C1GALT1: variants seen among roughly 807,000 people sequenced by gnomAD.
C1GALT1 encodes the protein core 1 synthase, glycoprotein-N-acetylgalactosamine 3-beta-galactosyltransferase 1.
In C1GALT1, 11 loss-of-function variants were observed where a neutral mutation model predicts 31.0. That is an observed-to-expected ratio of 0.36 (90% CI 0.22 to 0.59). The LOEUF (loss-of-function observed/expected upper bound fraction) is 0.59, where lower values mean the gene tolerates loss of function less well. C1GALT1 is among the 20% of genes least tolerant of loss of function. The probability of loss-of-function intolerance (pLI) is 0.79; values close to 1 mark genes in which losing one functional copy is unlikely to be tolerated. For synonymous variants in C1GALT1, 175 were observed against 143.6 expected (o/e 1.22, Z -1.56); for missense variants, 424 against 425.2 (o/e 1.00, Z 0.03).
chr7:7,243,702 C>A lies in C1GALT1; in HGVS notation c.1067C>A (p.Thr356Lys), dbSNP rs532562658. ...EISQANKNED[T>K]KVKLGNP is the part of the protein sequence containing the mutation. Reference sequence around the variant, plus strand: ...AGTCAAGCAAACAAAAATGAAGATACAAAAGTGAAGTTAGGAAATCCTTGA... The same window carrying A: ...AGTCAAGCAAACAAAAATGAAGATAAAAAAGTGAAGTTAGGAAATCCTTGA... The change falls in exon 4 of 4, where the codon ACA (threonine) becomes AAA (lysine). Residue 356 changes from threonine (T) to lysine (K), a missense_variant. By Grantham distance (78) the Thr-to-Lys change is moderately conservative. Coordinates refer to ENST00000436587, the MANE Select transcript of C1GALT1 (RefSeq NM_020156.5). 1 of 1,606,124 alleles carries A rather than the reference C, an allele frequency of 6.2e-7. No individual in the cohort carries two copies. Among genetic ancestry groups the A allele is most frequent in the Non-Finnish European group, 8.5e-7 (1 of 1,177,344 alleles).
intron 1 of C1GALT1, among the ~76,000 whole-genome samples, chr7:7,208,137 G>C (rs543100086): frequency 2.2e-4 from 33 of 152,218 alleles, no homozygotes; most frequent in African/African-American, 7.5e-4. Context: ...CTTAGCAGCT[G>C]TCTTGATTAT....
intron 2 of C1GALT1, among the ~76,000 whole-genome samples, chr7:7,177,301 T>C (rs753860581): frequency 2.2e-4 from 34 of 152,204 alleles, no homozygotes; most frequent in Admixed American, 3.9e-4. Flanking sequence ...TCTCTACCTT[T>C]GATGTTCCAG....
chr7:7,207,935 T>G (rs372720278), intron 1 of C1GALT1, among the ~76,000 whole-genome samples: 2 of 152,212 alleles, frequency 1.3e-5, no homozygotes, highest in East Asian at 3.8e-4. Context: ...GCTTCCACTT[T>G]CTGAAGTTTC....
intron 1 of C1GALT1, among the ~76,000 whole-genome samples, chr7:7,192,058 A>G (rs571647675): frequency 3.3e-5 from 5 of 151,980 alleles, no homozygotes; most frequent in Admixed American, 6.6e-5. Flanking sequence ...TAATGTCATG[A>G]AGCTCTTTTG....
chr7:7,188,119 G>C (rs1780901884), intron 1 of C1GALT1, among the ~76,000 whole-genome samples: 1 of 152,078 alleles, frequency 6.6e-6, no homozygotes, highest in Non-Finnish European at 1.5e-5. Flanking sequence ...AAATGGAGAG[G>C]AGACAATGGA....
intron 1 of C1GALT1, 89 bp from the exon 2 acceptor site, chr7:7,234,214 C>G: frequency 1.1e-6 from 1 of 919,976 alleles, no homozygotes; most frequent in East Asian, 2.5e-5. Flanking sequence ...AATTAACTTT[C>G]CGTTATAGCT....
chr7:7,169,625 A>G (rs1780431567), intron 2 of C1GALT1, among the ~76,000 whole-genome samples: 1 of 152,104 alleles, frequency 6.6e-6, no homozygotes, highest in South Asian at 2.1e-4. Context: ...TTACCCTAAT[A>G]ACTAAGGATG....
Position 7,234,326 on chromosome 7 carries a change from T to C in C1GALT1, c.7T>C (p.Ser3Pro). MA[S>P]KSWLNFLTFL... ...AGAAATACACTTTCGGGAAATGGCC[T>C]CTAAATCCTGGCTGAATTTTTTAAC... The change falls in exon 2 of 4, where the codon TCT becomes CCT. Residue 3 changes from serine (S) to proline (P), a missense_variant. Physicochemically the swap from Ser to Pro is moderately conservative, Grantham distance 74. Around this residue, in one of 3 missense-constraint regions of C1GALT1, gnomAD observed 189 missense variants for 158.2 expected, o/e 1.19. Coordinates refer to ENST00000436587, the MANE Select transcript of C1GALT1 (RefSeq NM_020156.5). 1 of 1,613,620 alleles carries C rather than the reference T, an allele frequency of 6.2e-7. No individual in the cohort carries two copies. Among genetic ancestry groups the C allele is most frequent in the South Asian group, 1.1e-5 (1 of 91,000 alleles).
intron 1 of C1GALT1, among the ~76,000 whole-genome samples, chr7:7,198,333 G>A (rs372560521): frequency 3.3e-5 from 5 of 151,922 alleles, no homozygotes; most frequent in Admixed American, 6.6e-5. Flanking sequence ...GATGGATTAC[G>A]TTTATTGATT....
intron 2 of C1GALT1, among the ~76,000 whole-genome samples, chr7:7,166,767 A>T (rs1301752307): frequency 6.6e-6 from 1 of 152,232 alleles, no homozygotes; most frequent in African/African-American, 2.4e-5. Flanking sequence ...CCTACCACAG[A>T]GGGTTGGTGT....
intron 1 of C1GALT1, among the ~76,000 whole-genome samples, chr7:7,200,496 G>A (rs910038879): frequency 6.6e-6 from 1 of 152,142 alleles, no homozygotes; most frequent in Non-Finnish European, 1.5e-5. Flanking sequence ...TTCTCGAAGA[G>A]TATCTTTGTG....
At chr7:7,236,315 C>G (rs900279360) in intron 2 of C1GALT1, among the ~76,000 whole-genome samples, 2 of 152,146 alleles carry the variant, frequency 1.3e-5, no homozygotes, top group Non-Finnish European at 2.9e-5. Context: ...CAGCGGTGGA[C>G]AAACCTGTCT....
intron 1 of C1GALT1, among the ~76,000 whole-genome samples, chr7:7,189,011 T>G (rs1209364124): frequency 1.3e-5 from 2 of 152,186 alleles, no homozygotes; most frequent in Non-Finnish European, 2.9e-5. Context: ...TTCTTTCATT[T>G]GTTTAGGTTT....
At chr7:7,162,385 G>A (rs10243186) in intron 2 of C1GALT1, among the ~76,000 whole-genome samples, 3,726 of 149,610 alleles carry the variant, frequency 0.025, 170 homozygotes, top group African/African-American at 0.088. Context: ...TTGTCCTTGC[G>A]ATAGTTTACT....
chr7:7,161,857 T>G (rs1780336743), intron 2 of C1GALT1, among the ~76,000 whole-genome samples: 1 of 152,066 alleles, frequency 6.6e-6, no homozygotes, highest in Non-Finnish European at 1.5e-5. Context: ...GTGCAGAAGA[T>G]TCTATTGAAG....
At chr7:7,192,454 C>T (rs1203555997) in intron 1 of C1GALT1, among the ~76,000 whole-genome samples, 1 of 152,114 alleles carries the variant, frequency 6.6e-6, no homozygotes, top group East Asian at 1.9e-4. Flanking sequence ...ATCCAGGTTG[C>T]TGTGAATGCC....
intron 1 of C1GALT1, among the ~76,000 whole-genome samples, chr7:7,217,191 T>C (rs189454856): frequency 6.6e-6 from 1 of 152,332 alleles, no homozygotes; most frequent in East Asian, 1.9e-4. Context: ...TTGGTACTCA[T>C]GCTGGCTTAG....
At position 7,228,727 on chromosome 7, in the gene C1GALT1, T is replaced by TG; in HGVS notation, c.-17-5571dup. On this transcript the variant is annotated intron_variant, in intron 1 of 3. Coordinates refer to ENST00000436587, the MANE Select transcript of C1GALT1 (RefSeq NM_020156.5). ...ACACATTCTGAGTGTGCTGATACTC[T>TG]GGGGGAGAAGAGTAAGAGAGTATGA... Among the ~76,000 whole-genome samples, 2 of 152,300 alleles carry TG rather than the reference T, an allele frequency of 1.3e-5. 1 individual carries two copies. The highest frequency in any genetic ancestry group is 6.8e-3 in the Middle Eastern group (2 of 294).
intron 1 of C1GALT1, among the ~76,000 whole-genome samples, chr7:7,213,231 C>T (rs979476850): frequency 6.6e-6 from 1 of 151,996 alleles, no homozygotes; most frequent in Non-Finnish European, 1.5e-5. Context: ...GATTATAAAC[C>T]GTCTTTTGAG....
Sources: gnomAD v4.1 joint callset for allele counts (sites outside exome capture counted in the v4.1 genomes callset) on GRCh38, gnomAD v4.1.1 for gene constraint, gnomAD v4.1.1 regional missense constraint, MANE v1.5 for transcripts, NCBI Gene and HGNC (gene_info 2026-07-23, HGNC 2026-07-21) for gene names.